ATRNL1: variants seen among roughly 807,000 people sequenced by gnomAD.
The protein encoded by ATRNL1 is attractin-like protein 1.
ATRNL1 carries 95 observed loss-of-function variants against 182.7 expected under a neutral mutation model. That is an observed-to-expected ratio of 0.52 (90% CI 0.44 to 0.62). ATRNL1 has a LOEUF of 0.62. ATRNL1 is among the 20% of genes least tolerant of loss of function. ATRNL1 has a pLI of 0.00. For synonymous variants in ATRNL1, 576 were observed against 568.3 expected (o/e 1.01, Z -0.19); for missense variants, 1,471 against 1,679.5 (o/e 0.88, Z 2.17).
chr10:115,667,837 A>G (rs1367765003), intron 26 of ATRNL1, among the ~76,000 whole-genome samples: 9 of 151,504 alleles, frequency 5.9e-5, no homozygotes, highest in African/African-American at 2.2e-4. Flanking sequence ...TTTAATTACT[A>G]TTTTTTTAGT....
At chr10:115,775,412 C>T (rs559824096) in intron 27 of ATRNL1, among the ~76,000 whole-genome samples, 1 of 152,206 alleles carries the variant, frequency 6.6e-6, no homozygotes, top group African/African-American at 2.4e-5. Flanking sequence ...CTTCAAGAAA[C>T]ATTTTTTCTT....
intron 8 of ATRNL1, among the ~76,000 whole-genome samples, chr10:115,184,720 TTAAA>T (rs1847876035): frequency 1.3e-5 from 2 of 151,480 alleles, no homozygotes; most frequent in Admixed American, 6.6e-5. Flanking sequence ...TATTGAACAA[TTAAA>T]TAAAAAAGGA....
intron 19 of ATRNL1, among the ~76,000 whole-genome samples, chr10:115,382,615 C>G (rs1280523993): frequency 6.6e-6 from 1 of 150,852 alleles, no homozygotes; most frequent in Non-Finnish European, 1.5e-5. Flanking sequence ...TTAGGCTATC[C>G]AAGATCATGT....
intron 20 of ATRNL1, among the ~76,000 whole-genome samples, chr10:115,405,563 C>T (rs1293317665): frequency 1.3e-5 from 2 of 152,138 alleles, no homozygotes; most frequent in Non-Finnish European, 2.9e-5. Flanking sequence ...TGTTTGTCCT[C>T]TCACCTCAAC....
At chr10:115,375,043 C>T (rs114693553) in intron 19 of ATRNL1, among the ~76,000 whole-genome samples, 1,951 of 151,190 alleles carry the variant, frequency 0.013, 35 homozygotes, top group African/African-American at 0.044. Context: ...GACATTTTAT[C>T]TGGATGATCT....
intron 15 of ATRNL1, among the ~76,000 whole-genome samples, chr10:115,299,073 A>G (rs1186222049): frequency 2.0e-5 from 3 of 151,748 alleles, no homozygotes; most frequent in South Asian, 4.2e-4. Flanking sequence ...CTATCCTGGT[A>G]CTCCATAATG....
At chr10:115,865,132 C>T (rs1240975775) in intron 28 of ATRNL1, among the ~76,000 whole-genome samples, 2 of 152,042 alleles carry the variant, frequency 1.3e-5, no homozygotes, top group Non-Finnish European at 2.9e-5. Flanking sequence ...CATATACACG[C>T]AATAAAATCC....
chr10:115,572,178 G>T (rs1344971118), intron 26 of ATRNL1, among the ~76,000 whole-genome samples: 1 of 152,078 alleles, frequency 6.6e-6, no homozygotes, highest in Non-Finnish European at 1.5e-5. Context: ...GTACATTACA[G>T]TAAATTTTAC....
chr10:115,846,914 T>C (rs1555098923), intron 27 of ATRNL1, among the ~76,000 whole-genome samples: 1 of 152,148 alleles, frequency 6.6e-6, no homozygotes, highest in African/African-American at 2.4e-5. Flanking sequence ...AGTGTTCTCA[T>C]GTTACAGAGT....
chr10:115,673,555 T>C (rs1427407384), intron 26 of ATRNL1, among the ~76,000 whole-genome samples: 1 of 152,094 alleles, frequency 6.6e-6, no homozygotes, highest in Non-Finnish European at 1.5e-5. Flanking sequence ...TATGAACCAG[T>C]AATTTCTAAG....
chr10:115,164,122 G>T (rs1846927044), intron 6 of ATRNL1, among the ~76,000 whole-genome samples: 1 of 152,176 alleles, frequency 6.6e-6, no homozygotes, highest in African/African-American at 2.4e-5. Flanking sequence ...TTTAGCAAAT[G>T]GAGGAAATTT....
intron 25 of ATRNL1, among the ~76,000 whole-genome samples, chr10:115,533,323 A>T (rs1554989045): frequency 2.6e-5 from 4 of 152,058 alleles, no homozygotes; most frequent in African/African-American, 9.7e-5. Context: ...TTCTTGGTTT[A>T]GTCTTGGGAG....
At chr10:115,348,704 T>C (rs1856092289) in intron 19 of ATRNL1, among the ~76,000 whole-genome samples, 1 of 152,144 alleles carries the variant, frequency 6.6e-6, no homozygotes. Context: ...TTATATACAT[T>C]GTGTGGGTGC....
intron 8 of ATRNL1, among the ~76,000 whole-genome samples, chr10:115,200,535 T>C (rs1848528818): frequency 6.7e-6 from 1 of 149,970 alleles, no homozygotes; most frequent in Middle Eastern, 3.4e-3. Context: ...ATTTCATCCA[T>C]GTCCCTACAA....
At chr10:115,138,205 T>A (rs545785878) in intron 5 of ATRNL1, among the ~76,000 whole-genome samples, 135 of 152,326 alleles carry the variant, frequency 8.9e-4, no homozygotes, top group Middle Eastern at 3.4e-3. Context: ...TCCCACTTGC[T>A]TTCAGGGGCT....
intron 18 of ATRNL1, among the ~76,000 whole-genome samples, chr10:115,319,333 C>A (rs1219410621): frequency 6.6e-6 from 1 of 152,140 alleles, no homozygotes; most frequent in Non-Finnish European, 1.5e-5. Flanking sequence ...AGAATAAGTG[C>A]CATGTGGCAC....
chr10:115,494,473 G>C (rs2134668783), intron 24 of ATRNL1, among the ~76,000 whole-genome samples: 1 of 152,206 alleles, frequency 6.6e-6, no homozygotes, highest in East Asian at 1.9e-4. Context: ...CGTTGGCTGT[G>C]GGTTTGTCCT....
chr10:115,213,241 G>A (rs11197120), intron 8 of ATRNL1, among the ~76,000 whole-genome samples: 42,174 of 151,894 alleles, frequency 0.28, 7,594 homozygotes, highest in Non-Finnish European at 0.4. Flanking sequence ...TTTTATCTTA[G>A]CAGGTAGTCA....
intron 20 of ATRNL1, among the ~76,000 whole-genome samples, chr10:115,415,978 G>T (rs1554960765): frequency 6.6e-6 from 1 of 151,752 alleles, no homozygotes; most frequent in Non-Finnish European, 1.5e-5. Context: ...TATCTTTTAG[G>T]TCTACCTCTC....
Sources: allele counts gnomAD v4.1 joint callset (sites outside exome capture counted in the v4.1 genomes callset), GRCh38; gene constraint gnomAD v4.1.1; transcripts MANE v1.5; gene names NCBI Gene and HGNC (gene_info 2026-07-23, HGNC 2026-07-21).